Variants in YJU2B observed in about 807,000 individuals in gnomAD.
The protein encoded by YJU2B is probable splicing factor YJU2B.
A neutral mutation model predicts 38.0 loss-of-function variants in YJU2B; 18 were observed. The ratio of observed to expected loss-of-function variants is 0.47; its 90% CI spans 0.33 to 0.70. The LOEUF (loss-of-function observed/expected upper bound fraction) is 0.70, where lower values mean the gene tolerates loss of function less well. Ranked by LOEUF, YJU2B falls within the 30% of genes least tolerant of loss-of-function variation. The pLI is 0.02. For missense variants in YJU2B, 538 were observed against 556.3 expected (o/e 0.97, Z 0.33); for synonymous variants, 246 against 225.4 (o/e 1.09, Z -0.82).
At chr19:13,752,473 G>A (rs1333906482) in intron 2 of YJU2B, among the ~76,000 whole-genome samples, 1 of 152,098 alleles carries the variant, frequency 6.6e-6, no homozygotes, top group African/African-American at 2.4e-5. Context: ...GCTGGGCGCG[G>A]TGGCTCACGC....
At chr19:13,758,589 A>C (rs974183042) in intron 6 of YJU2B, among the ~76,000 whole-genome samples, 1 of 152,266 alleles carries the variant, frequency 6.6e-6, no homozygotes, top group Admixed American at 6.5e-5. Flanking sequence ...CAAATGAATT[A>C]ACGAATAAAT....
upstream of YJU2B, among the ~76,000 whole-genome samples, chr19:13,743,082 C>G (rs1206193817): frequency 1.3e-5 from 2 of 151,460 alleles, no homozygotes; most frequent in African/African-American, 4.9e-5. Context: ...TTGCAGGGCA[C>G]CATGCAAGGA....
At chr19:13,751,911 T>A in intron 2 of YJU2B, 100 bp downstream of exon 2, 20 of 1,090,024 alleles carry the variant, frequency 1.8e-5, no homozygotes, top group Non-Finnish European at 2.7e-5. Context: ...GATGATGATT[T>A]CAATCTCCGG....
Position 13,751,733 on chromosome 19 carries a change from G to A in YJU2B, c.-76G>A, listed in dbSNP as rs1177415504. 7 of 1,533,430 alleles carry A rather than the reference G, an allele frequency of 4.6e-6. No individual in the cohort carries two copies. The highest frequency in any genetic ancestry group is 5.4e-6 in the Non-Finnish European group (6 of 1,106,716). 95.0% of individuals were successfully genotyped at this position (1,533,430 alleles called of 1,614,324 possible). A position where few individuals can be genotyped will look rare whatever the true frequency, so the allele number is the denominator to read the frequency against. ...CTCTGCCAGGCTCCACAAGAGGTCA[G>A]GACAGTGCAGTGTGTTCACAAGGCC... On this transcript the variant is annotated 5_prime_UTR_variant, in exon 2 of 10. Coordinates refer to ENST00000221554, the MANE Select transcript of YJU2B (RefSeq NM_030818.4).
intron 2 of YJU2B, among the ~76,000 whole-genome samples, chr19:13,737,537 A>C (rs1006471684): frequency 7.3e-5 from 11 of 150,096 alleles, no homozygotes; most frequent in African/African-American, 2.5e-4. Flanking sequence ...CTGTAATCCC[A>C]GCACCTTGGG....
At chr19:13,757,243 A>G (rs1227429425) in intron 4 of YJU2B, among the ~76,000 whole-genome samples, 175 bp from the exon 5 acceptor site, 1 of 152,012 alleles carries the variant, frequency 6.6e-6, no homozygotes, top group Non-Finnish European at 1.5e-5. Flanking sequence ...AATGGTTGTG[A>G]TTCTTTTTCT....
chr19:13,743,896 G>T (rs1459331774), upstream of YJU2B, among the ~76,000 whole-genome samples: 1 of 132,030 alleles, frequency 7.6e-6, no homozygotes, highest in Non-Finnish European at 1.6e-5. Context: ...GGAAAAAAAA[G>T]AAAAAGAAAA....
chr19:13,732,894 C>CA (rs1256311414), intron 2 of YJU2B, among the ~76,000 whole-genome samples: 1 of 151,570 alleles, frequency 6.6e-6, no homozygotes, highest in Non-Finnish European at 1.5e-5. Context: ...CAGGCATGAG[C>CA]AACTGCACCC....
At chr19:13,757,155 G>A (rs1000190133) in intron 4 of YJU2B, among the ~76,000 whole-genome samples, 2 of 151,786 alleles carry the variant, frequency 1.3e-5, no homozygotes, top group East Asian at 1.9e-4. Context: ...AAAAAAAGTC[G>A]CAGCAGCACC....
At chr19:13,737,791 TA>T (rs1390178204) in intron 2 of YJU2B, among the ~76,000 whole-genome samples, 1 of 150,670 alleles carries the variant, frequency 6.6e-6, no homozygotes, top group Non-Finnish European at 1.5e-5. Flanking sequence ...TCTCAAAAAA[TA>T]AATAAATAAA....
At chr19:13,738,246 CAGA>C (rs766362200) in intron 2 of YJU2B, among the ~76,000 whole-genome samples, 4 of 152,286 alleles carry the variant, frequency 2.6e-5, no homozygotes, top group Middle Eastern at 3.4e-3. Context: ...AGTGGATGAG[CAGA>C]AGAAGTGGAA....
In YJU2B at chr19:13,757,688, C is replaced by T. The variant is rs1242751912; in HGVS notation, c.197-98C>T. ...CTCTAACTCCTCCTAGTTGGGGAAC[C>T]CTCAGCAAGTGACAGTGAGCCTCTT... On this transcript the variant is annotated intron_variant, in intron 5 of 9. Transcript: ENST00000221554. The T allele has an allele frequency of 9.2e-6, 12 of 1,309,210 alleles. No homozygotes were observed. In the East Asian group the frequency reaches 2.8e-4, roughly 30 times the overall value. 81.1% of individuals were successfully genotyped at this position (1,309,210 alleles called of 1,614,324 possible).
chr19:13,759,159 G>T lies in YJU2B; in HGVS notation c.460G>T (p.Ala154Ser), dbSNP rs771800857. The change falls in exon 8 of 10, where the codon GCC becomes TCC. Residue 154 changes from alanine (A) to serine (S), a missense_variant. Around this residue, in one of 2 missense-constraint regions of YJU2B, gnomAD observed 488 missense variants for 469.5 expected, o/e 1.04. Transcript: ENST00000221554. ...DAMFRLEHGE[A>S]DRSTLKKALP... ...CATGTTCCGGCTGGAGCATGGCGAG[G>T]CCGACCGCAGCACACTCAAGAAGGC... 6.2e-7 allele frequency: 1 copy of T among 1,613,556 alleles called. No homozygotes were observed. Among genetic ancestry groups the T allele is most frequent in the South Asian group, 1.1e-5 (1 of 91,024 alleles).
At chr19:13,757,570 A>G (rs1410000937) in intron 5 of YJU2B, 97 bp downstream of exon 5, 1 of 1,225,682 alleles carries the variant, frequency 8.2e-7, no homozygotes, top group African/African-American at 1.5e-5. Flanking sequence ...CTGATCAGGA[A>G]TGAGGGAGGA....
At chr19:13,733,350 G>A (rs1568273227) in intron 2 of YJU2B, among the ~76,000 whole-genome samples, 2 of 152,202 alleles carry the variant, frequency 1.3e-5, no homozygotes, top group South Asian at 4.1e-4. Context: ...ACTGGCATTC[G>A]GGGCCGGATC....
chr19:13,733,747 C>T lies in YJU2B; in HGVS notation c.-202+1462C>T, dbSNP rs114176829. ...AAAAAAACAAAAAACGAACATTAGA[C>T]GCCATGAACACTCCCTCCCAACCCA... On this transcript the variant is annotated intron_variant, in intron 2 of 10. Coordinates refer to the YJU2B transcript ENST00000586600. 3.7e-3 allele frequency among the ~76,000 whole-genome samples: 569 copies of T among 152,082 alleles called. 3 individuals carry two copies. The highest frequency in any genetic ancestry group is 4.4e-3 in the African/African-American group (181 of 41,524).
At chr19:13,745,692 T>TATAG (rs760866388), upstream of YJU2B, among the ~76,000 whole-genome samples, 2 of 93,300 alleles carry the variant, frequency 2.1e-5, no homozygotes, top group African/African-American at 7.8e-5. Context: ...GATAGATAGA[T>TATAG]ATAGATATAT....
At chr19:13,749,733 C>T (rs946401749) in intron 1 of YJU2B, among the ~76,000 whole-genome samples, 3 of 149,736 alleles carry the variant, frequency 2.0e-5, no homozygotes, top group Non-Finnish European at 4.4e-5. Context: ...CCCGGGTTCA[C>T]GCCATTCTCC....
intron 3 of YJU2B, 86 bp from the exon 4 acceptor site, chr19:13,756,111 C>T (rs766443437): frequency 3.5e-5 from 37 of 1,049,978 alleles, no homozygotes; most frequent in Non-Finnish European, 5.4e-5. Context: ...CTGTGAGACA[C>T]TTGTCCCAAA....
Sources: allele counts gnomAD v4.1 joint callset (sites outside exome capture counted in the v4.1 genomes callset), GRCh38; gene constraint gnomAD v4.1.1; regional missense constraint gnomAD v4.1.1; transcripts MANE v1.5; gene names NCBI Gene and HGNC (gene_info 2026-07-23, HGNC 2026-07-21).